CABLES2: variants seen among roughly 807,000 people sequenced by gnomAD.
CABLES2 encodes the protein Cdk5 and Abl enzyme substrate 2, also known as CDK5 and ABL1 enzyme substrate 2.
In CABLES2, 35 loss-of-function variants were observed where a neutral mutation model predicts 44.8. The observed-to-expected ratio is 0.78, with a 90% confidence interval of 0.60 to 1.04. The LOEUF is 1.04. Ranked by LOEUF, CABLES2 falls within the 50% of genes least tolerant of loss-of-function variation. The pLI is 0.00. For missense variants in CABLES2, 566 were observed against 615.7 expected (o/e 0.92, Z 0.85); for synonymous variants, 282 against 281.1 (o/e 1.00, Z -0.03).
At chr20:62,399,112 A>AT (rs934861200) in intron 1 of CABLES2, among the ~76,000 whole-genome samples, 14 of 151,826 alleles carry the variant, frequency 9.2e-5, no homozygotes, top group Non-Finnish European at 1.9e-4. Context: ...ATGCCCGACA[A>AT]TTTTTTTTGT....
chr20:62,394,634 C>G (rs140764432), intron 4 of CABLES2, among the ~76,000 whole-genome samples: 1 of 152,192 alleles, frequency 6.6e-6, no homozygotes, highest in Non-Finnish European at 1.5e-5. Context: ...GAATTACGCA[C>G]GGATACGACT....
chr20:62,391,493 G>T lies in CABLES2; in HGVS notation c.1092-40C>A. On this transcript the variant is annotated intron_variant, in intron 8 of 9. Transcript: ENST00000279101. The surrounding 1 kb of genome is among the most constrained non-coding windows in gnomAD (Gnocchi z 5.7). Reference sequence around the variant, plus strand: ...AGAAGCCATGTCCCTGGGGGCTCTGGCTGGGGCTGAGGAGGCAGCCCCCTG... The same window carrying T: ...AGAAGCCATGTCCCTGGGGGCTCTGTCTGGGGCTGAGGAGGCAGCCCCCTG... The T allele has an allele frequency of 6.2e-7, 1 of 1,602,008 alleles. No homozygotes were observed. Among genetic ancestry groups the T allele is most frequent in the East Asian group, 2.2e-5 (1 of 44,642 alleles).
chr20:62,393,753 G>A (rs896279850), intron 5 of CABLES2, 148 bp from the exon 6 acceptor site: 23 of 793,534 alleles, frequency 2.9e-5, no homozygotes, highest in African/African-American at 2.6e-4. Context: ...TTGAGGCTGC[G>A]TCTGAGCTAG....
In CABLES2 at chr20:62,390,761, T is replaced by C. The variant is rs1266921533; in HGVS notation, c.*210A>G. ...TGCAGGAGAATTCTCAGAAATCCCCTCGGAGGGACGGTGCACTTGGGGATG... is the reference window on the plus strand; with the variant it reads ...TGCAGGAGAATTCTCAGAAATCCCCCCGGAGGGACGGTGCACTTGGGGATG... On this transcript the variant is annotated 3_prime_UTR_variant, in exon 10 of 10. Transcript: ENST00000279101. 1 of 585,180 alleles carries C rather than the reference T, an allele frequency of 1.7e-6. No individual in the cohort carries two copies. The highest frequency in any genetic ancestry group is 3.0e-5 in the Admixed American group (1 of 33,518). The allele number at this position is 585,180 out of a possible 1,614,324, so 36.2% of individuals were successfully genotyped here. A position where few individuals can be genotyped will look rare whatever the true frequency, so the allele number is the denominator to read the frequency against.
At chr20:62,398,066 GGT>G (rs1988078979) in intron 1 of CABLES2, among the ~76,000 whole-genome samples, 1 of 63,430 alleles carries the variant, frequency 1.6e-5, no homozygotes, top group African/African-American at 7.0e-5. Context: ...CGATGGTGGT[GGT>G]GACGGTGGTG....
At chr20:62,394,755 C>T (rs1374068738) in intron 4 of CABLES2, among the ~76,000 whole-genome samples, 182 bp downstream of exon 4, 4 of 152,186 alleles carry the variant, frequency 2.6e-5, no homozygotes, top group African/African-American at 7.2e-5. Flanking sequence ...AGTGAGGACC[C>T]GAAACGGCCC....
intron 1 of CABLES2, among the ~76,000 whole-genome samples, chr20:62,398,127 A>ATGGCGGTGGTGGTGATGGTGG: frequency 3.4e-5 from 1 of 29,610 alleles, no homozygotes; most frequent in Non-Finnish European, 6.4e-5. Flanking sequence ...GGTGGTGGTT[A>ATGGCGGTGGTGGTGATGGTGG]TGACGGTGGT....
intron 8 of CABLES2, among the ~76,000 whole-genome samples, chr20:62,392,174 T>G (rs1987930723): frequency 1.8e-5 from 2 of 109,504 alleles, no homozygotes; most frequent in South Asian, 6.0e-4. Context: ...CAGTGGTGTG[T>G]GGGGGGATGC....
intron 7 of CABLES2, 69 bp from the exon 8 acceptor site, chr20:62,392,564 G>A (rs1240154093): frequency 2.4e-5 from 27 of 1,131,862 alleles, no homozygotes; most frequent in African/African-American, 6.1e-5. Flanking sequence ...TGCTGGGTAC[G>A]ATGGATTTCT....
intron 1 of CABLES2, among the ~76,000 whole-genome samples, chr20:62,398,174 G>A (rs1173528257): frequency 9.0e-6 from 1 of 111,450 alleles, no homozygotes; most frequent in Non-Finnish European, 2.0e-5. Context: ...TGGTGGTAAT[G>A]GTGGTGGTGG....
At chr20:62,392,115 A>C (rs1987929537) in intron 8 of CABLES2, among the ~76,000 whole-genome samples, 1 of 151,714 alleles carries the variant, frequency 6.6e-6, no homozygotes, top group South Asian at 2.1e-4. Flanking sequence ...GTCCCACTCA[A>C]GTTTTAAAAA....
chr20:62,398,175 G>GTGGTGGTGGTGACGGTGGTGATGA (rs1418202971), intron 1 of CABLES2, among the ~76,000 whole-genome samples: 6 of 55,624 alleles, frequency 1.1e-4, no homozygotes, highest in South Asian at 1.0e-3. Context: ...GGTGGTAATG[G>GTGGTGGTGGTGACGGTGGTGATGA]TGGTGGTGGT....
At chr20:62,393,187 G>A (rs1343677870) in intron 6 of CABLES2, among the ~76,000 whole-genome samples, 164 bp from the exon 7 acceptor site, 1 of 152,294 alleles carries the variant, frequency 6.6e-6, no homozygotes, top group African/African-American at 2.4e-5. Context: ...AGAAAAGGAT[G>A]TCCTGAGAGG....
rs968663921 is a variant in CABLES2, at chr20:62,392,309, A to C, written c.1091+80T>G. 7 of 1,040,112 alleles carry C rather than the reference A, an allele frequency of 6.7e-6. No homozygotes were observed. The African/African-American group carries it at 9.5e-5, about 14-fold the overall frequency. 64.4% of individuals were successfully genotyped at this position (1,040,112 alleles called of 1,614,324 possible). A position where few individuals can be genotyped will look rare whatever the true frequency, so the allele number is the denominator to read the frequency against. The stretch of plus-strand genomic sequence containing the variant: ...GCAGCGGCTAGACTTGTCAAGCTGG[A>C]GAGAATCTACCAGAAACTGGAGAGG... On this transcript the variant is annotated intron_variant, in intron 8 of 9. Coordinates refer to ENST00000279101, the MANE Select transcript of CABLES2 (RefSeq NM_031215.3).
At chr20:62,399,112 AT>A (rs934861200) in intron 1 of CABLES2, among the ~76,000 whole-genome samples, 7 of 151,826 alleles carry the variant, frequency 4.6e-5, no homozygotes, top group Non-Finnish European at 8.8e-5. Context: ...ATGCCCGACA[AT>A]TTTTTTTGTA....
rs1165764506 is a variant in CABLES2 at position 62,393,012 on chromosome 20, C to G, written c.892G>C (p.Gly298Arg). The stretch of plus-strand genomic sequence containing the variant: ...TTGGGGTTGTACTCCAGGGTGTCCC[C>G]CACGTCACTCCCTGTAAGAGAGGCA... ...PASTELGSDVGDTLEYNPNLL... is the reference protein window; with the variant it reads ...PASTELGSDVRDTLEYNPNLL... Residue 298 changes from glycine to arginine, a missense_variant, in exon 7 of 10, where the codon GGG (glycine) becomes CGG (arginine). Gly to Arg is a moderately radical substitution (Grantham distance 125). This residue lies in a region of CABLES2 where 436 missense variants were observed against 536.3 expected (regional missense o/e 0.81). Transcript: ENST00000279101. 11 of 1,613,610 alleles carry G rather than the reference C, an allele frequency of 6.8e-6. No individual in the cohort carries two copies. Among genetic ancestry groups the G allele is most frequent in the African/African-American group, 1.3e-5 (1 of 74,938 alleles).
In CABLES2 at chr20:62,391,910, C is replaced by T. The variant is rs1241432320; in HGVS notation, c.1092-457G>A. 6.6e-6 allele frequency among the ~76,000 whole-genome samples: 1 copy of T among 152,052 alleles called. No individual in the cohort carries two copies. Among genetic ancestry groups the T allele is most frequent in the Admixed American group, 6.5e-5 (1 of 15,268 alleles). ...GGAGCCCGACGTGAGCCCAGCAGTTCCGCCGCCTTCTGCTCGCTTTCCTCC... is the reference window on the plus strand; with the variant it reads ...GGAGCCCGACGTGAGCCCAGCAGTTTCGCCGCCTTCTGCTCGCTTTCCTCC... On this transcript the variant is annotated intron_variant, in intron 8 of 9. Coordinates refer to ENST00000279101, the MANE Select transcript of CABLES2 (RefSeq NM_031215.3). This position sits in a 1 kb window ranked among gnomAD's most constrained non-coding sequence, Gnocchi z 5.7.
intron 1 of CABLES2, chr20:62,404,265 C>T (rs562780022): frequency 1.3e-5 from 2 of 152,382 alleles, no homozygotes; most frequent in South Asian, 2.1e-4. Flanking sequence ...CCTCTGACCT[C>T]AGGGAGGCCA....
chr20:62,406,442 C>T (rs1344253376), intron 1 of CABLES2, among the ~76,000 whole-genome samples: 3 of 144,396 alleles, frequency 2.1e-5, no homozygotes, highest in Non-Finnish European at 3.1e-5. Context: ...AGGGCTGAAC[C>T]CTAAAACCCA....
Sources: gnomAD v4.1 joint callset for allele counts (sites outside exome capture counted in the v4.1 genomes callset) on GRCh38, gnomAD v4.1.1 for gene constraint, gnomAD v4.1.1 regional missense constraint, Gnocchi (gnomAD v3.1) non-coding constraint, MANE v1.5 for transcripts, NCBI Gene and HGNC (gene_info 2026-07-23, HGNC 2026-07-21) for gene names.